The following ANO1 variants were observed in gnomAD, a reference collection of about 807,000 sequenced individuals.
ANO1 encodes anoctamin 1.
A neutral mutation model predicts 124.0 loss-of-function variants in ANO1; 59 were observed. The ratio of observed to expected loss-of-function variants is 0.48; its 90% CI spans 0.39 to 0.59. The LOEUF (loss-of-function observed/expected upper bound fraction) is 0.59. ANO1 is among the 20% of genes least tolerant of loss of function. ANO1 has a pLI of 0.00. For missense variants in ANO1, 1,059 were observed against 1,328.0 expected (o/e 0.80, Z 3.15); for synonymous variants, 529 against 532.0 (o/e 0.99, Z 0.08).
intron 11 of ANO1, among the ~76,000 whole-genome samples, chr11:70,136,883 G>A (rs879299803): frequency 2.0e-5 from 3 of 147,736 alleles, no homozygotes; most frequent in African/African-American, 4.8e-5. Context: ...AATGGGAGCC[G>A]TGGGTCCGTA....
chr11:70,051,925 T>C (rs1857354289), intron 1 of ANO1, among the ~76,000 whole-genome samples: 1 of 152,258 alleles, frequency 6.6e-6, no homozygotes, highest in Non-Finnish European at 1.5e-5. Context: ...CCTTTATGGT[T>C]ACTGATTTCT....
chr11:69,966,595 C>T, the ANO1 span, among the ~76,000 whole-genome samples: 1 of 151,996 alleles, frequency 6.6e-6, no homozygotes, highest in East Asian at 1.9e-4. Flanking sequence ...GAGGAAAGAG[C>T]GATGGAAGAG....
Position 70,011,683 on chromosome 11 carries a change from G to A in ANO1, c.58+25517G>A, listed in dbSNP as rs117409118. Among the ~76,000 whole-genome samples, 171 of 152,304 alleles carry A rather than the reference G, an allele frequency of 1.1e-3. 5 individuals carry two copies. In the East Asian group the frequency reaches 0.018, roughly 16 times the overall value. On this transcript the variant is annotated intron_variant, in intron 1 of 27. Coordinates refer to the ANO1 transcript ENST00000531349. ...CAGTTTAAGAACATAAATATTTGAA[G>A]AGGTCCACTATTTGCCTCATCGATG...
At chr11:70,011,401 C>A (rs1269232443) in intron 1 of ANO1, among the ~76,000 whole-genome samples, 1 of 152,138 alleles carries the variant, frequency 6.6e-6, no homozygotes, top group African/African-American at 2.4e-5. Flanking sequence ...ACAGGAGCAC[C>A]CTTTGGGCTT....
chr11:70,161,850 C>T, intron 18 of ANO1, 117 bp downstream of exon 18: 10 of 971,604 alleles, frequency 1.0e-5, no homozygotes, highest in African/African-American at 3.2e-5. Flanking sequence ...CCGTGGCACC[C>T]GCAGCCAAAG....
intron 1 of ANO1, among the ~76,000 whole-genome samples, chr11:70,061,329 C>A (rs1857571710): frequency 6.6e-6 from 1 of 152,094 alleles, no homozygotes; most frequent in South Asian, 2.1e-4. Flanking sequence ...GAAAGCAGAT[C>A]ATGAGAAAGG....
At chr11:70,126,231 A>T in intron 10 of ANO1, 36 bp downstream of exon 10, 1 of 1,595,170 alleles carries the variant, frequency 6.3e-7, no homozygotes, top group East Asian at 2.3e-5. Context: ...CCCGCAGTAC[A>T]CAGAGGAGCC....
chr11:70,013,896 G>T (rs1555001486), intron 1 of ANO1, among the ~76,000 whole-genome samples: 1 of 152,008 alleles, frequency 6.6e-6, no homozygotes. Flanking sequence ...GGAAGTCTGA[G>T]GTCAGGGCGC....
chr11:70,038,550 G>A (rs181060764), intron 1 of ANO1, among the ~76,000 whole-genome samples: 34 of 152,204 alleles, frequency 2.2e-4, no homozygotes, highest in African/African-American at 7.2e-4. Context: ...TTGCGACACC[G>A]AGCACCCATT....
chr11:70,000,917 C>T (rs1554999172), intron 1 of ANO1, among the ~76,000 whole-genome samples: 1 of 151,260 alleles, frequency 6.6e-6, no homozygotes, highest in African/African-American at 2.4e-5. Flanking sequence ...CAAAAGGGTA[C>T]ATGAGATACC....
intron 1 of ANO1, among the ~76,000 whole-genome samples, chr11:70,027,123 G>A (rs1239153923): frequency 3.3e-5 from 5 of 152,172 alleles, no homozygotes; most frequent in South Asian, 2.1e-4. Context: ...CTCTCTTCAC[G>A]GTACTCATCA....
chr11:70,073,125 GC>G (rs550841371), intron 1 of ANO1, among the ~76,000 whole-genome samples: 40 of 152,194 alleles, frequency 2.6e-4, no homozygotes, highest in Non-Finnish European at 3.7e-4. Context: ...ACTCTTTCAA[GC>G]CCCAGGAAGA....
In ANO1 at chr11:70,170,853, C is replaced by T. The variant is rs372841613; in HGVS notation, c.2198-34C>T. 2.9e-4 allele frequency: 461 copies of T among 1,604,358 alleles called. 2 individuals are homozygous for T. The highest frequency in any genetic ancestry group is 9.4e-5 in the African/African-American group (7 of 74,700). On this transcript the variant is annotated intron_variant, in intron 21 of 25. Transcript: ENST00000355303. ...GTCCCCCCTTATGGGCTGTGGCTCA[C>T]GGGGTGCTGACTAGCACTGGGCTCT...
At chr11:70,128,165 AC>A in intron 10 of ANO1, among the ~76,000 whole-genome samples, 1 of 72,394 alleles carries the variant, frequency 1.4e-5, no homozygotes, top group South Asian at 4.9e-4. Flanking sequence ...ATTCCACCCC[AC>A]CCCCACCCCC....
intron 11 of ANO1, among the ~76,000 whole-genome samples, chr11:70,147,610 G>T (rs2047434741): frequency 6.6e-6 from 1 of 152,224 alleles, no homozygotes; most frequent in Admixed American, 6.5e-5. Flanking sequence ...CCAGTGGGAA[G>T]CCCTTTTGGG....
intron 22 of ANO1, among the ~76,000 whole-genome samples, chr11:70,173,893 A>C (rs756556301): frequency 2.0e-5 from 3 of 152,026 alleles, no homozygotes; most frequent in Non-Finnish European, 4.4e-5. Context: ...TCTACTAAAA[A>C]TACAAAAATT....
intron 9 of ANO1, among the ~76,000 whole-genome samples, chr11:70,124,995 G>A (rs945447926): frequency 6.6e-6 from 1 of 152,236 alleles, no homozygotes; most frequent in African/African-American, 2.4e-5. Flanking sequence ...TAGGCCCACA[G>A]CCATCAGCAT....
chr11:70,078,961 C>T (rs1276483856), intron 1 of ANO1, among the ~76,000 whole-genome samples: 1 of 151,964 alleles, frequency 6.6e-6, no homozygotes, highest in Non-Finnish European at 1.5e-5. Flanking sequence ...AGCGCAGCGC[C>T]GGGCCCCCAG....
At chr11:70,130,953 G>A (rs2046733098) in intron 10 of ANO1, among the ~76,000 whole-genome samples, 1 of 152,260 alleles carries the variant, frequency 6.6e-6, no homozygotes, top group Non-Finnish European at 1.5e-5. Context: ...CCAGGCGGAT[G>A]GAGATGCTGT....
Sources: allele counts gnomAD v4.1 joint callset (sites outside exome capture counted in the v4.1 genomes callset), GRCh38; gene constraint gnomAD v4.1.1; transcripts MANE v1.5; gene names NCBI Gene and HGNC (gene_info 2026-07-23, HGNC 2026-07-21).